TMC7: variants seen among roughly 807,000 people sequenced by gnomAD.
TMC7 encodes transmembrane channel like 7, also known as transmembrane channel-like protein 7.
Under a neutral mutation model 82.9 loss-of-function variants are expected in TMC7, and 54 were observed. The ratio of observed to expected loss-of-function variants is 0.65; its 90% confidence interval spans 0.52 to 0.82. TMC7 has a LOEUF of 0.82. TMC7 is among the 40% of genes least tolerant of loss of function. The pLI is 0.00. For missense variants in TMC7, 820 were observed against 901.2 expected, an observed-to-expected ratio of 0.91 and a Z score of 1.15; for synonymous variants, 350 against 337.9, an observed-to-expected ratio of 1.04 and a Z score of -0.39.
At chr16:18,988,208 G>A (rs2038887845) in intron 1 of TMC7, among the ~76,000 whole-genome samples, 1 of 146,660 alleles carries the variant, frequency 6.8e-6, no homozygotes, top group African/African-American at 2.6e-5. Context: ...AGGCTGGAGT[G>A]CAATGGTGCG....
intron 5 of TMC7, among the ~76,000 whole-genome samples, chr16:19,029,038 C>G (rs1383030770): frequency 6.6e-6 from 1 of 150,948 alleles, no homozygotes; most frequent in Non-Finnish European, 1.5e-5. Context: ...CAGAGTCTTG[C>G]TCTGTCACCC....
chr16:18,984,236 C>G, intron 1 of TMC7, 106 bp downstream of exon 1: 1 of 1,356,200 alleles, frequency 7.4e-7, no homozygotes, highest in Non-Finnish European at 9.4e-7. Flanking sequence ...CCCTCCCACC[C>G]CCGACGCCGG....
chr16:18,985,342 T>C (rs2038826888), intron 1 of TMC7, among the ~76,000 whole-genome samples: 1 of 151,522 alleles, frequency 6.6e-6, no homozygotes, highest in Non-Finnish European at 1.5e-5. Flanking sequence ...TTGTTCCCAA[T>C]GTCCAGAAGA....
In TMC7 at chr16:19,047,713, A is replaced by AT. The variant is rs35266186; in HGVS notation, c.1740+481dup. Among the ~76,000 whole-genome samples the AT allele has an allele frequency of 4.1e-3, 502 of 123,094 alleles. 5 individuals carry two copies. Among genetic ancestry groups the AT allele is most frequent in the African/African-American group, 0.015 (473 of 30,830 alleles). 80.8% of individuals were successfully genotyped at this position (123,094 alleles called of 152,430 possible). A position where few individuals can be genotyped will look rare whatever the true frequency, so the allele number is the denominator to read the frequency against. On this transcript the variant is annotated intron_variant, in intron 12 of 15. Transcript: ENST00000304381. ...CCCGGCCGAAAAAGACTCTTGATGG[A>AT]TTTTTTTTTTTTTTTTTGAGATAGA...
chr16:19,029,287 G>A (rs1244637276), intron 5 of TMC7, among the ~76,000 whole-genome samples: 1 of 152,186 alleles, frequency 6.6e-6, no homozygotes, highest in Non-Finnish European at 1.5e-5. Flanking sequence ...TTACAGGCAT[G>A]AGCCACCGTG....
chr16:19,059,173 C>A (rs573205262), intron 14 of TMC7, among the ~76,000 whole-genome samples: 1 of 152,068 alleles, frequency 6.6e-6, no homozygotes, highest in Non-Finnish European at 1.5e-5. Flanking sequence ...CCACTGCGCC[C>A]GGCCATATTT....
chr16:19,024,107 T>C (rs969639728), intron 5 of TMC7, among the ~76,000 whole-genome samples: 2 of 152,164 alleles, frequency 1.3e-5, no homozygotes, highest in Admixed American at 6.5e-5. Flanking sequence ...TTTATGGTAG[T>C]TGTAAAAGGT....
At chr16:18,998,135 T>C (rs1418320075) in intron 1 of TMC7, among the ~76,000 whole-genome samples, 2 of 152,154 alleles carry the variant, frequency 1.3e-5, no homozygotes, top group Non-Finnish European at 2.9e-5. Flanking sequence ...AGCTGAGTAA[T>C]TGCAAATAGT....
intron 1 of TMC7, among the ~76,000 whole-genome samples, chr16:19,007,833 C>T (rs1404967098): frequency 6.6e-6 from 1 of 150,592 alleles, no homozygotes. Context: ...TATTTACTGC[C>T]TGTTTATTAT....
chr16:19,034,072 A>G (rs1354964956), intron 6 of TMC7, among the ~76,000 whole-genome samples: 1 of 152,226 alleles, frequency 6.6e-6, no homozygotes, highest in Admixed American at 6.5e-5. Flanking sequence ...AAAATATGCA[A>G]CAGAATTGTA....
intron 12 of TMC7, among the ~76,000 whole-genome samples, chr16:19,049,940 G>C (rs1210877042): frequency 6.6e-6 from 1 of 151,980 alleles, no homozygotes; most frequent in Non-Finnish European, 1.5e-5. Context: ...TCCCTCAATG[G>C]AAATACTTAT....
intron 1 of TMC7, among the ~76,000 whole-genome samples, chr16:19,004,308 A>G (rs1030254391): frequency 2.0e-5 from 3 of 152,086 alleles, no homozygotes; most frequent in Admixed American, 6.6e-5. Flanking sequence ...GGTGTATGAA[A>G]AACAGGATAA....
chr16:18,995,218 T>C (rs1281849157), intron 1 of TMC7, among the ~76,000 whole-genome samples: 1 of 152,128 alleles, frequency 6.6e-6, no homozygotes, highest in Non-Finnish European at 1.5e-5. Context: ...TGGCTGTCAA[T>C]ACCTACAACG....
chr16:18,992,539 C>T (rs573670526), intron 1 of TMC7, among the ~76,000 whole-genome samples: 138 of 152,244 alleles, frequency 9.1e-4, no homozygotes, highest in Non-Finnish European at 1.5e-3. Context: ...TTCTCCCATT[C>T]TGTAGGTTGC....
chr16:19,049,210 G>C (rs1245208371), intron 12 of TMC7, among the ~76,000 whole-genome samples: 2 of 152,072 alleles, frequency 1.3e-5, no homozygotes, highest in Non-Finnish European at 2.9e-5. Context: ...TTTTAGTAGA[G>C]ACAGCGTTTC....
chr16:19,027,061 CTTTTTTTTTTT>C (rs35769515), intron 5 of TMC7, among the ~76,000 whole-genome samples: 5 of 56,582 alleles, frequency 8.8e-5, no homozygotes, highest in East Asian at 7.5e-4. Context: ...CACACCTGAC[CTTTTTTTTTTT>C]TTTTTTTTTT....
chr16:18,984,589 G>A, intron 1 of TMC7: 2 of 947,530 alleles, frequency 2.1e-6, no homozygotes, highest in Non-Finnish European at 2.5e-6. Context: ...TTGGTAAGTG[G>A]CTTGCCTTCT....
intron 2 of TMC7, among the ~76,000 whole-genome samples, chr16:19,009,630 A>G (rs1263859227): frequency 6.6e-6 from 1 of 151,916 alleles, no homozygotes; most frequent in Non-Finnish European, 1.5e-5. Flanking sequence ...AGACACCCAA[A>G]CATACTCAAC....
At chr16:19,007,882 C>T (rs900987436) in intron 1 of TMC7, among the ~76,000 whole-genome samples, 3 of 151,736 alleles carry the variant, frequency 2.0e-5, no homozygotes, top group Admixed American at 6.6e-5. Flanking sequence ...ATAACTGCCG[C>T]GTGAGTAGGG....
Sources: allele counts gnomAD v4.1 joint callset (sites outside exome capture counted in the v4.1 genomes callset), GRCh38; gene constraint gnomAD v4.1.1; transcripts MANE v1.5; gene names NCBI Gene and HGNC (gene_info 2026-07-23, HGNC 2026-07-21).